The following TRIM8 variants were observed in gnomAD, a reference collection of about 807,000 sequenced individuals.
TRIM8 encodes the protein E3 ubiquitin-protein ligase TRIM8.
In TRIM8, 9 loss-of-function variants were observed where a neutral mutation model predicts 55.7. That is an observed-to-expected ratio of 0.16 (90% CI 0.10 to 0.28). TRIM8 has a LOEUF of 0.28. TRIM8 is among the 10% of genes least tolerant of loss of function. The probability of loss-of-function intolerance (pLI) is 1.00; values close to 1 mark genes in which losing one functional copy is unlikely to be tolerated. For missense variants in TRIM8, 556 were observed against 736.4 expected, an observed-to-expected ratio of 0.76 and a Z score of 2.83; for synonymous variants, 335 against 333.3, an observed-to-expected ratio of 1.01 and a Z score of -0.06.
At chr10:102,646,914 C>T (rs541080494) in intron 1 of TRIM8, among the ~76,000 whole-genome samples, 197 of 152,236 alleles carry the variant, frequency 1.3e-3, no homozygotes, top group Non-Finnish European at 2.2e-3. Context: ...CCCGCACCCA[C>T]AGTGCTGCTG....
intron 1 of TRIM8, among the ~76,000 whole-genome samples, chr10:102,650,880 T>C (rs2135979678): frequency 6.6e-6 from 1 of 152,268 alleles, no homozygotes; most frequent in South Asian, 2.1e-4. Flanking sequence ...TCCAGTGTCT[T>C]GGCAACCTGA....
At chr10:102,652,778 T>C (rs1203580281) in intron 1 of TRIM8, among the ~76,000 whole-genome samples, 3 of 151,930 alleles carry the variant, frequency 2.0e-5, no homozygotes, top group Admixed American at 2.0e-4. Flanking sequence ...TGAAATGAGG[T>C]TGGTGCATGA....
chr10:102,656,152 C>G lies in TRIM8; in HGVS notation c.932+15C>G, dbSNP rs754982386. 1.2e-6 allele frequency: 2 copies of G among 1,614,136 alleles called. No homozygotes were observed. Among genetic ancestry groups the G allele is most frequent in the Non-Finnish European group, 8.5e-7 (1 of 1,179,998 alleles). ...CTGATGGACAGGTAAGCTGAGGGCC[C>G]TAGCCCTCCCGGGGGCACATCCTGG... On this transcript the variant is annotated intron_variant, in intron 4 of 5. Coordinates refer to ENST00000643721, the MANE Select transcript of TRIM8 (RefSeq NM_030912.3). The surrounding 1 kb of genome is among the most constrained non-coding windows in gnomAD (Gnocchi z 4.6).
Position 102,655,161 on chromosome 10 carries a change from A to G in TRIM8, c.748A>G (p.Thr250Ala). ...GCTGCTGGACGAGGACCTGCGGCAG[A>G]CAGTGGAGGTCCTAGACAAGGCCCA... ...HQLLDEDLRQ[T>A]VEVLDKAQAK... is the part of the protein sequence containing the mutation. The change falls in exon 3 of 6, where the codon ACA becomes GCA. Residue 250 changes from threonine (T) to alanine (A), a missense_variant. Transcript: ENST00000643721. 1 of 1,612,282 alleles carries G rather than the reference A, an allele frequency of 6.2e-7. No individual in the cohort carries two copies. Among genetic ancestry groups the G allele is most frequent in the Non-Finnish European group, 8.5e-7 (1 of 1,179,454 alleles).
At position 102,657,532 on chromosome 10, in the gene TRIM8, T is replaced by A. The variant is rs954152168; in HGVS notation, c.*178T>A. 1.9e-5 allele frequency: 15 copies of A among 807,510 alleles called. No homozygotes were observed. The highest frequency in any genetic ancestry group is 1.2e-4 in the East Asian group (4 of 34,088). 50.0% of individuals were successfully genotyped at this position (807,510 alleles called of 1,614,324 possible). ...TTTGGCTTTGTTTTTGATTTTTTTTTATTATGAATCTCCTGGACGCAGAGG... is the reference window on the plus strand; with the variant it reads ...TTTGGCTTTGTTTTTGATTTTTTTTAATTATGAATCTCCTGGACGCAGAGG... On this transcript the variant is annotated 3_prime_UTR_variant, in exon 6 of 6. Coordinates refer to ENST00000643721, the MANE Select transcript of TRIM8 (RefSeq NM_030912.3).
chr10:102,656,303 C>A lies in TRIM8; in HGVS notation c.966C>A (p.Pro322=), dbSNP rs112124466. Residue 322 remains proline, a synonymous_variant, in exon 5 of 6, where the codon CCC becomes CCA. Transcript: ENST00000643721. This position sits in a 1 kb window ranked among gnomAD's most constrained non-coding sequence, Gnocchi z 4.6. ...TQTCTSSSLS[P]TKIGHLNSKL... The stretch of plus-strand genomic sequence containing the variant: ...CCTGCACGAGCAGCAGCCTTTCCCC[C>A]ACTAAGATCGGCCACCTGAACTCCA... The A allele has an allele frequency of 1.2e-5, 19 of 1,614,094 alleles. No individual in the cohort carries two copies. The highest frequency in any genetic ancestry group is 5.5e-5 in the South Asian group (5 of 91,094).
At chr10:102,650,967 C>T (rs999246945) in intron 1 of TRIM8, among the ~76,000 whole-genome samples, 8 of 152,132 alleles carry the variant, frequency 5.3e-5, no homozygotes, top group African/African-American at 1.7e-4. Flanking sequence ...TTCCAGTTTC[C>T]CAGGCTTGAA....
At chr10:102,646,124 G>A (rs773078372) in intron 1 of TRIM8, among the ~76,000 whole-genome samples, 78 of 152,308 alleles carry the variant, frequency 5.1e-4, no homozygotes, top group Admixed American at 1.7e-3. Flanking sequence ...CCCCCCTCAG[G>A]CCTCTGGGCC....
At chr10:102,651,030 C>T (rs1161400468) in intron 1 of TRIM8, among the ~76,000 whole-genome samples, 1 of 152,176 alleles carries the variant, frequency 6.6e-6, no homozygotes. Flanking sequence ...AGGAGTTGGC[C>T]CTGAGGGAGA....
At position 102,657,048 on chromosome 10, in the gene TRIM8, C is replaced by T. The variant is rs748336981; in HGVS notation, c.1350C>T (p.Ser450=). ...CCCCATCGCAGTATCCCAATGGCTC[C>T]GCCGCCCAGCAGCCCATGCTCCCCC... ...VFPPSQYPNG[S]AAQQPMLPQY... Residue 450 remains serine, a synonymous_variant, in exon 6 of 6, where the codon TCC becomes TCT. Transcript: ENST00000643721. The T allele has an allele frequency of 6.2e-6, 10 of 1,613,040 alleles. No individual in the cohort carries two copies. In the African/African-American group the frequency reaches 8.0e-5, roughly 13 times the overall value.
Position 102,657,083 on chromosome 10 carries a change from G to A in TRIM8, c.1385G>A (p.Gly462Asp). ...CAGCCCATGCTCCCCCAGTATGGCG[G>A]CCGCAAGATTCTCGTCTGTTCTGTG... Reference protein sequence around the residue: ...AQQPMLPQYGGRKILVCSVDN... With the variant: ...AQQPMLPQYGDRKILVCSVDN... Residue 462 changes from glycine (G) to aspartate (D), a missense_variant, in exon 6 of 6, where the codon GGC becomes GAC. Physicochemically the swap from Gly to Asp is moderately conservative, Grantham distance 94. Coordinates refer to ENST00000643721, the MANE Select transcript of TRIM8 (RefSeq NM_030912.3). The A allele has an allele frequency of 1.9e-6, 3 of 1,613,620 alleles. No individual in the cohort carries two copies. Among genetic ancestry groups the A allele is most frequent in the Non-Finnish European group, 2.5e-6 (3 of 1,179,996 alleles).
chr10:102,653,454 G>GT (rs897865805), intron 1 of TRIM8: 1 of 152,682 alleles, frequency 6.5e-6, no homozygotes, highest in Non-Finnish European at 1.5e-5. Flanking sequence ...TGCTAAAGTA[G>GT]TTGATAGGAC....
At chr10:102,648,478 G>A (rs1327723436) in intron 1 of TRIM8, among the ~76,000 whole-genome samples, 2 of 152,164 alleles carry the variant, frequency 1.3e-5, no homozygotes, top group Admixed American at 6.5e-5. Flanking sequence ...ATTTTCAGAG[G>A]TTCAGAGTCA....
chr10:102,645,160 C>T lies in TRIM8; in HGVS notation c.543C>T (p.Asp181=). 6.4e-7 allele frequency: 1 copy of T among 1,558,754 alleles called. No homozygotes were observed. Among genetic ancestry groups the T allele is most frequent in the Non-Finnish European group, 8.6e-7 (1 of 1,159,648 alleles). The change falls in exon 1 of 6, where the codon GAC becomes GAT. Residue 181 remains aspartate, a synonymous_variant. Transcript: ENST00000643721. ...SGAHQGHSVC[D]VEIRRNEIRK... ...CGCATCAGGGACACTCGGTGTGCGACGTGGAGATCCGAAGGAATGAAATCC... is the reference window on the plus strand; with the variant it reads ...CGCATCAGGGACACTCGGTGTGCGATGTGGAGATCCGAAGGAATGAAATCC...
chr10:102,651,729 A>G (rs2063986340), intron 1 of TRIM8, among the ~76,000 whole-genome samples: 1 of 152,200 alleles, frequency 6.6e-6, no homozygotes. Flanking sequence ...TGGGGCAACC[A>G]GCAGGCAAGA....
intron 1 of TRIM8, among the ~76,000 whole-genome samples, chr10:102,648,200 C>T (rs539284239): frequency 3.0e-4 from 45 of 152,250 alleles, no homozygotes; most frequent in African/African-American, 9.6e-4. Flanking sequence ...TGGTCAGACC[C>T]CTCCTAGCCC....
Position 102,657,633 on chromosome 10 carries a change from G to A in TRIM8, c.*279G>A. Reference sequence around the variant, plus strand: ...GAAAGTGTCTGTGTCGAGGCGCTGAGCTCTCTCTCTGTTTCTCCTTTTTTC... The same window carrying A: ...GAAAGTGTCTGTGTCGAGGCGCTGAACTCTCTCTCTGTTTCTCCTTTTTTC... On this transcript the variant is annotated 3_prime_UTR_variant, in exon 6 of 6. Coordinates refer to ENST00000643721, the MANE Select transcript of TRIM8 (RefSeq NM_030912.3). The A allele has an allele frequency of 2.8e-6, 1 of 360,864 alleles. No homozygotes were observed. Among genetic ancestry groups the A allele is most frequent in the Non-Finnish European group, 5.0e-6 (1 of 199,948 alleles). 22.4% of individuals were successfully genotyped at this position (360,864 alleles called of 1,614,324 possible).
At chr10:102,655,378 T>G in intron 3 of TRIM8, 65 bp downstream of exon 3, 3 of 1,439,744 alleles carry the variant, frequency 2.1e-6, no homozygotes, top group Non-Finnish European at 2.9e-6. Context: ...AGATCTGCAG[T>G]TTCCTGCACC....
chr10:102,651,162 C>G (rs535830118), intron 1 of TRIM8, among the ~76,000 whole-genome samples: 13 of 152,306 alleles, frequency 8.5e-5, no homozygotes, highest in Admixed American at 6.5e-4. Context: ...GTGGCCTCAG[C>G]AGCAGGAGGG....
Sources: allele counts gnomAD v4.1 joint callset (sites outside exome capture counted in the v4.1 genomes callset), GRCh38; gene constraint gnomAD v4.1.1; non-coding constraint Gnocchi (gnomAD v3.1); transcripts MANE v1.5; gene names NCBI Gene and HGNC (gene_info 2026-07-23, HGNC 2026-07-21).